Variants in NUMA1 observed in about 807,000 individuals in gnomAD.
NUMA1 encodes nuclear mitotic apparatus protein 1.
In NUMA1, 62 loss-of-function variants were observed where a neutral mutation model predicts 237.1. That is an observed-to-expected ratio of 0.26 (90% confidence interval 0.21 to 0.32). NUMA1 has a LOEUF of 0.32. Among genes scored for constraint, NUMA1 ranks in the 10% least tolerant of loss-of-function variants. The probability of loss-of-function intolerance (pLI) is 1.00; values close to 1 mark genes in which losing one functional copy is unlikely to be tolerated. For synonymous variants in NUMA1, 1,028 were observed against 1,066.1 expected (o/e 0.96, Z 0.70); for missense variants, 2,533 against 2,666.5 (o/e 0.95, Z 1.10).
chr11:72,013,759 G>T lies in NUMA1; in HGVS notation c.3744C>A (p.Ser1248Arg). The stretch of plus-strand genomic sequence containing the variant: ...CCATCACCAGCCGCTTCAACTCCTT[G>T]CTCTCCCCCTCCTTCTCCAGGACCT... The part of the protein sequence containing the change: ...NRQVLEKEGE[S>R]KELKRLVMAE... The change falls in exon 15 of 27, where the codon AGC becomes AGA. Residue 1248 changes from serine (S) to arginine (R), a missense_variant. Physicochemically the swap from Ser to Arg is moderately radical, Grantham distance 110. This residue lies in a region of NUMA1 where 324 missense variants were observed against 407.6 expected (regional missense o/e 0.79). Coordinates refer to ENST00000393695, the MANE Select transcript of NUMA1 (RefSeq NM_006185.4). This position sits in a 1 kb window ranked among gnomAD's most constrained non-coding sequence, Gnocchi z 6.8. The T allele has an allele frequency of 6.2e-7, 1 of 1,609,972 alleles. No individual in the cohort carries two copies.
At chr11:72,010,340 A>ACTGGTGACACTCTCG (rs1453296476) in intron 17 of NUMA1, among the ~76,000 whole-genome samples, 4 of 152,222 alleles carry the variant, frequency 2.6e-5, no homozygotes, top group African/African-American at 9.6e-5. Flanking sequence ...GCACTGTAAT[A>ACTGGTGACACTCTCG]TTCAACACTG....
Position 72,007,311 on chromosome 11 carries a change from G to A in NUMA1, c.5341C>T (p.Arg1781Trp), listed in dbSNP as rs529393250. The stretch of plus-strand genomic sequence containing the variant: ...CTGCTCTCCAGGGGGGCCTGACTCC[G>A]AGCAGGGATGGGAGTGAAGTAGAGA... ...ESLYFTPIPA[R>W]SQAPLESSLD... The change falls in exon 21 of 27, where the codon CGG (arginine) becomes TGG (tryptophan). Residue 1781 changes from arginine (R) to tryptophan (W), a missense_variant. Arg to Trp is a moderately radical substitution (Grantham distance 101). Coordinates refer to ENST00000393695, the MANE Select transcript of NUMA1 (RefSeq NM_006185.4). The A allele has an allele frequency of 9.6e-5, 155 of 1,613,258 alleles. No individual in the cohort carries two copies. Among genetic ancestry groups the A allele is most frequent in the Middle Eastern group, 1.6e-4 (1 of 6,070 alleles).
chr11:72,014,932 T>C lies in NUMA1; in HGVS notation c.2571A>G (p.Ala857=). ...QELQEAKEKV[A]GIESHSELQI... Reference sequence around the variant, plus strand: ...GGAGCTCGCTGTGGGATTCTATGCCTGCCACCTTCTCCTTTGCCTCCTGCA... The same window carrying C: ...GGAGCTCGCTGTGGGATTCTATGCCCGCCACCTTCTCCTTTGCCTCCTGCA... Residue 857 remains alanine (A), a synonymous_variant, in exon 15 of 27, where the codon GCA becomes GCG. Transcript: ENST00000393695. This position sits in a 1 kb window ranked among gnomAD's most constrained non-coding sequence, Gnocchi z 4.6. 6.2e-7 allele frequency: 1 copy of C among 1,614,206 alleles called. No individual in the cohort carries two copies. Among genetic ancestry groups the C allele is most frequent in the Non-Finnish European group, 8.5e-7 (1 of 1,180,046 alleles).
chr11:72,060,846 G>A (rs1183729182), intron 2 of NUMA1, among the ~76,000 whole-genome samples: 1 of 152,064 alleles, frequency 6.6e-6, no homozygotes, highest in Non-Finnish European at 1.5e-5. Flanking sequence ...CGAGGCGGGC[G>A]GATCACGAGG....
intron 2 of NUMA1, chr11:72,049,594 G>GTA (rs1420184978): frequency 1.4e-3 from 24 of 17,208 alleles, no homozygotes; most frequent in African/African-American, 3.2e-3. Context: ...GTGTGTGTGT[G>GTA]TGTATATATA....
chr11:72,051,831 A>G (rs930608394), intron 2 of NUMA1, among the ~76,000 whole-genome samples: 2 of 152,172 alleles, frequency 1.3e-5, no homozygotes, highest in African/African-American at 4.8e-5. Flanking sequence ...ATCTGTAACC[A>G]TAATATGAAG....
chr11:72,007,645 A>T, intron 20 of NUMA1: 1 of 630,346 alleles, frequency 1.6e-6, no homozygotes, highest in Non-Finnish European at 2.8e-6. Context: ...AGCTCCTCAT[A>T]GTGGCAATGC....
At position 72,004,042 on chromosome 11, in the gene NUMA1, T is replaced by A. The variant is rs1955481244; in HGVS notation, c.6181A>T (p.Asn2061Tyr). The A allele has an allele frequency of 6.2e-7, 1 of 1,613,586 alleles. No individual in the cohort carries two copies. The highest frequency in any genetic ancestry group is 1.7e-5 in the Admixed American group (1 of 59,930). ...SILNTPKKLG[N>Y]SLLRRGASKK... ...GAGGCTCCCCGCCGCAGAAGGCTGT[T>A]CCCTAGCTTCTTGGGTGTGTTGAGG... is the stretch of plus-strand genomic sequence containing the variant. The change falls in exon 26 of 27, where the codon AAC (asparagine) becomes TAC (tyrosine). Residue 2061 changes from asparagine to tyrosine, a missense_variant. Coordinates refer to ENST00000393695, the MANE Select transcript of NUMA1 (RefSeq NM_006185.4).
At chr11:72,050,528 T>A (rs1021516422) in intron 2 of NUMA1, 3 of 152,214 alleles carry the variant, frequency 2.0e-5, no homozygotes, top group Non-Finnish European at 4.4e-5. Flanking sequence ...GTGCTAGGGA[T>A]TTGAACAAAC....
At chr11:72,053,620 T>G (rs1285608675) in intron 2 of NUMA1, among the ~76,000 whole-genome samples, 1 of 152,220 alleles carries the variant, frequency 6.6e-6, no homozygotes, top group Non-Finnish European at 1.5e-5. Context: ...CTTTACAGAA[T>G]GCAGTGCAAA....
intron 17 of NUMA1, among the ~76,000 whole-genome samples, chr11:72,009,900 C>T (rs77347578): frequency 0.029 from 4,363 of 152,292 alleles, 59 homozygotes; most frequent in East Asian, 0.074. Context: ...AAGATTTGGT[C>T]CACCTAACTC....
At chr11:72,056,219 G>A (rs1441409034) in intron 2 of NUMA1, among the ~76,000 whole-genome samples, 1 of 151,964 alleles carries the variant, frequency 6.6e-6, no homozygotes, top group Non-Finnish European at 1.5e-5. Flanking sequence ...AGCTACTCAG[G>A]AGGCTAAGGC....
chr11:72,021,314 G>C lies in NUMA1; in HGVS notation c.373-23C>G, dbSNP rs770956451. On this transcript the variant is annotated intron_variant, in intron 7 of 26. Coordinates refer to ENST00000393695, the MANE Select transcript of NUMA1 (RefSeq NM_006185.4). ...AGCCTGGGCCACAGGGAGAAAAAGA[G>C]CATCACTTAGGTGTTAGGCCTCTGA... 9 of 1,607,468 alleles carry C rather than the reference G, an allele frequency of 5.6e-6. No individual in the cohort carries two copies. In the South Asian group the frequency reaches 9.9e-5, roughly 18 times the overall value.
intron 2 of NUMA1, chr11:72,050,950 T>C (rs4378421): frequency 0.93 from 138,996 of 149,894 alleles, 64,682 homozygotes; most frequent in Non-Finnish European, 0.98. Context: ...TGCAGTGGCA[T>C]AATCATAGCT....
chr11:72,010,361 C>T (rs3793941), intron 17 of NUMA1, among the ~76,000 whole-genome samples: 53,636 of 152,112 alleles, frequency 0.35, 11,926 homozygotes, highest in South Asian at 0.49. Context: ...GTGACACTCT[C>T]GTTCTTTCCC....
In NUMA1 at chr11:72,014,926, T is replaced by G; in HGVS notation, c.2577A>C (p.Ile859=). 6.2e-7 allele frequency: 1 copy of G among 1,614,198 alleles called. No homozygotes were observed. Among genetic ancestry groups the G allele is most frequent in the Non-Finnish European group, 8.5e-7 (1 of 1,180,040 alleles). The change falls in exon 15 of 27, where the codon ATA becomes ATC. Residue 859 remains isoleucine, a synonymous_variant. Coordinates refer to ENST00000393695, the MANE Select transcript of NUMA1 (RefSeq NM_006185.4). This position sits in a 1 kb window ranked among gnomAD's most constrained non-coding sequence, Gnocchi z 4.6. ...LQEAKEKVAG[I]ESHSELQISR... is the part of the protein sequence containing the mutation. ...TTATCTGGAGCTCGCTGTGGGATTC[T>G]ATGCCTGCCACCTTCTCCTTTGCCT...
Position 72,009,339 on chromosome 11 carries a change from G to T in NUMA1, c.4768C>A (p.Gln1590Lys). 1.2e-6 allele frequency: 2 copies of T among 1,612,938 alleles called. No homozygotes were observed. Among genetic ancestry groups the T allele is most frequent in the Middle Eastern group, 1.7e-4 (1 of 6,006 alleles). ...GESQQEAQRL[Q>K]AQLNELQAQL... is the part of the protein sequence containing the mutation. ...GCTTGCAGTTCATTCAGCTGGGCCT[G>T]GAGGCGCTGGGCCTCCTGCTGGCTC... The change falls in exon 18 of 27, where the codon CAG (glutamine) becomes AAG (lysine). Residue 1590 changes from glutamine to lysine, a missense_variant. By Grantham distance (53) the Gln-to-Lys change is moderately conservative. Coordinates refer to ENST00000393695, the MANE Select transcript of NUMA1 (RefSeq NM_006185.4).
intron 23 of NUMA1, 136 bp from the exon 24 acceptor site, chr11:72,004,952 A>G (rs1446375467): frequency 2.2e-6 from 2 of 911,232 alleles, no homozygotes; most frequent in Admixed American, 6.3e-5. Flanking sequence ...AGAAAGACAC[A>G]AGGCCTCCTT....
intron 2 of NUMA1, among the ~76,000 whole-genome samples, chr11:72,057,727 G>A (rs1406053176): frequency 2.1e-5 from 3 of 145,120 alleles, no homozygotes; most frequent in African/African-American, 5.1e-5. Context: ...CTAAGAAACA[G>A]AGCGAGACAC....
Sources: allele counts gnomAD v4.1 joint callset (sites outside exome capture counted in the v4.1 genomes callset), GRCh38; gene constraint gnomAD v4.1.1; regional missense constraint gnomAD v4.1.1; non-coding constraint Gnocchi (gnomAD v3.1); transcripts MANE v1.5; gene names NCBI Gene and HGNC (gene_info 2026-07-23, HGNC 2026-07-21).